LGSN: variants seen among roughly 807,000 people sequenced by gnomAD.
The protein encoded by LGSN is lengsin, lens protein with glutamine synthetase domain.
A neutral mutation model predicts 19.5 loss-of-function variants in LGSN; 21 were observed. That is an observed-to-expected ratio of 1.07 (90% CI 0.76 to 1.55). The LOEUF (loss-of-function observed/expected upper bound fraction) is 1.55, where lower values mean the gene tolerates loss of function less well. LGSN is among the 40% of genes most tolerant of loss of function. LGSN has a pLI of 0.00. For missense variants in LGSN, 673 were observed against 608.5 expected, an observed-to-expected ratio of 1.11 and a Z score of -1.12; for synonymous variants, 257 against 215.6, an observed-to-expected ratio of 1.19 and a Z score of -1.68.
At chr6:63,439,157 G>A in the LGSN span, among the ~76,000 whole-genome samples, 1 of 151,802 alleles carries the variant, frequency 6.6e-6, no homozygotes, top group Non-Finnish European at 1.5e-5. Flanking sequence ...TGAACAATGA[G>A]AACACATGGA....
the LGSN span, among the ~76,000 whole-genome samples, chr6:63,390,924 T>C: frequency 1.3e-5 from 2 of 152,104 alleles, no homozygotes; most frequent in Non-Finnish European, 2.9e-5. Context: ...TCCTTAACTT[T>C]CTTATCTCTC....
chr6:63,339,962 C>G, the LGSN span, among the ~76,000 whole-genome samples: 7 of 151,954 alleles, frequency 4.6e-5, no homozygotes, highest in Non-Finnish European at 1.5e-5. Context: ...TGATTAATTC[C>G]CTCAGTTTTT....
chr6:63,373,651 G>A, the LGSN span, among the ~76,000 whole-genome samples: 1 of 152,092 alleles, frequency 6.6e-6, no homozygotes, highest in Non-Finnish European at 1.5e-5. Context: ...ATGTGACCCT[G>A]ACGAGAATTA....
chr6:63,534,349 C>T, the LGSN span, among the ~76,000 whole-genome samples: 8 of 152,004 alleles, frequency 5.3e-5, no homozygotes, highest in African/African-American at 1.7e-4. Flanking sequence ...AAGTTAGGAG[C>T]AATGGTTCTC....
At chr6:63,529,405 A>G in the LGSN span, among the ~76,000 whole-genome samples, 2 of 151,716 alleles carry the variant, frequency 1.3e-5, no homozygotes, top group African/African-American at 4.9e-5. Context: ...AAACTTTTCA[A>G]TTCAATCTCA....
the LGSN span, among the ~76,000 whole-genome samples, chr6:63,475,856 G>A: frequency 2.6e-5 from 4 of 152,158 alleles, no homozygotes; most frequent in Non-Finnish European, 5.9e-5. Context: ...GTCTGCCCTG[G>A]AACCTACTGG....
chr6:63,309,106 G>C (rs1214743330), intron 1 of LGSN, among the ~76,000 whole-genome samples: 1 of 152,154 alleles, frequency 6.6e-6, no homozygotes, highest in Non-Finnish European at 1.5e-5. Context: ...AAATACACGT[G>C]GCAATTCTTT....
At chr6:63,341,287 G>T in the LGSN span, among the ~76,000 whole-genome samples, 1 of 152,202 alleles carries the variant, frequency 6.6e-6, no homozygotes, top group East Asian at 1.9e-4. Context: ...CTCCCACACA[G>T]CATGCATGAG....
the LGSN span, among the ~76,000 whole-genome samples, chr6:63,336,557 G>GTATATATA: frequency 7.3e-5 from 10 of 136,112 alleles, no homozygotes; most frequent in Admixed American, 2.2e-4. Flanking sequence ...GTGTGTGTGT[G>GTATATATA]TGTGTATATA....
At chr6:63,347,066 CA>C in the LGSN span, among the ~76,000 whole-genome samples, 2 of 152,114 alleles carry the variant, frequency 1.3e-5, no homozygotes, top group African/African-American at 4.8e-5. Flanking sequence ...TCCTATCATC[CA>C]GGAAATTTCA....
intron 1 of LGSN, among the ~76,000 whole-genome samples, chr6:63,318,493 G>C (rs2127398525): frequency 6.6e-6 from 1 of 152,232 alleles, no homozygotes; most frequent in Admixed American, 6.5e-5. Flanking sequence ...CTTATTCAGT[G>C]GAGTTGGGTC....
At chr6:63,314,062 A>G (rs1422394450) in intron 1 of LGSN, among the ~76,000 whole-genome samples, 1 of 152,098 alleles carries the variant, frequency 6.6e-6, no homozygotes, top group Non-Finnish European at 1.5e-5. Context: ...CCTCTATCAG[A>G]GGAAGGAAAA....
At position 63,294,964 on chromosome 6, in the gene LGSN, G is replaced by C; in HGVS notation, c.112C>G (p.Pro38Ala). 6.2e-7 allele frequency: 1 copy of C among 1,613,696 alleles called. No individual in the cohort carries two copies. The part of the protein sequence containing the change: ...LRRTRKKVTK[P>A]YVCSTEVGET... ...CCCACTTCAGTTGAACAAACATATG[G>C]TTTAGTGACTTTCTTCCTTGTCCTT... is the stretch of plus-strand genomic sequence containing the variant. Residue 38 changes from proline (P) to alanine (A), a missense_variant, in exon 2 of 4, where the codon CCA becomes GCA. Transcript: ENST00000370657.
At chr6:63,357,429 A>C in the LGSN span, among the ~76,000 whole-genome samples, 1 of 151,074 alleles carries the variant, frequency 6.6e-6, no homozygotes, top group South Asian at 2.1e-4. Context: ...CAATGTTCGA[A>C]GTAGTTTACA....
the LGSN span, among the ~76,000 whole-genome samples, chr6:63,564,972 A>G: frequency 0.025 from 3,743 of 152,298 alleles, 68 homozygotes; most frequent in Non-Finnish European, 0.036. Context: ...CATGCAAATG[A>G]AAAGTATTCT....
At chr6:63,458,843 AT>A in the LGSN span, among the ~76,000 whole-genome samples, 1 of 152,326 alleles carries the variant, frequency 6.6e-6, no homozygotes, top group African/African-American at 2.4e-5. Context: ...CATGCAGTGT[AT>A]TTTCCATCAT....
At chr6:63,304,037 G>A (rs1395275904) in intron 1 of LGSN, among the ~76,000 whole-genome samples, 8 of 152,180 alleles carry the variant, frequency 5.3e-5, no homozygotes, top group Non-Finnish European at 1.0e-4. Context: ...CAACACAGTG[G>A]GAAAAGGGGC....
the LGSN span, among the ~76,000 whole-genome samples, chr6:63,358,379 G>C: frequency 6.6e-6 from 1 of 152,198 alleles, no homozygotes. Context: ...AAAGTCATTG[G>C]TAGCTTGATG....
At chr6:63,572,611 C>T in the LGSN span, 2 of 419,418 alleles carry the variant, frequency 4.8e-6, no homozygotes, top group South Asian at 1.1e-4. Context: ...CGCTCCGCCA[C>T]GACCACCGCC....
Sources: gnomAD v4.1 joint callset for allele counts (sites outside exome capture counted in the v4.1 genomes callset) on GRCh38, gnomAD v4.1.1 for gene constraint, MANE v1.5 for transcripts, NCBI Gene and HGNC (gene_info 2026-07-23, HGNC 2026-07-21) for gene names.